Variants in MFSD11 observed in about 807,000 individuals in gnomAD.
MFSD11 encodes UNC93-like protein MFSD11.
In MFSD11, 36 loss-of-function variants were observed where a neutral mutation model predicts 53.5. The ratio of observed to expected loss-of-function variants is 0.67; its 90% CI spans 0.52 to 0.89. The LOEUF (loss-of-function observed/expected upper bound fraction) is 0.89. Among genes scored for constraint, MFSD11 ranks in the 40% least tolerant of loss-of-function variants. MFSD11 has a pLI of 0.00. For missense variants in MFSD11, 530 were observed against 543.9 expected (o/e 0.97, Z 0.25); for synonymous variants, 186 against 184.9 (o/e 1.01, Z -0.05).
intron 9 of MFSD11, among the ~76,000 whole-genome samples, chr17:76,767,770 A>G (rs2080992039): frequency 6.6e-6 from 1 of 152,208 alleles, no homozygotes; most frequent in Admixed American, 6.5e-5. Flanking sequence ...GCTCCAAAAA[A>G]GGCAACAGGA....
At chr17:76,767,529 C>T (rs574967733) in intron 9 of MFSD11, 78 bp downstream of exon 9, 1 of 907,970 alleles carries the variant, frequency 1.1e-6, no homozygotes, top group Non-Finnish European at 1.8e-6. Context: ...GTTATTATTT[C>T]TCACAATTCT....
rs1203477210 is a variant in MFSD11, at chr17:76,748,619, A to G, written c.641+4153A>G. ...GGGGGAAGCTTCAGCAAAGGGATTC[A>G]AGGTTGCAGTGAGCTGTGGTCACGC... On this transcript the variant is annotated intron_variant, in intron 7 of 12. Transcript: ENST00000685175. 2.0e-5 allele frequency among the ~76,000 whole-genome samples: 3 copies of G among 151,856 alleles called. No individual in the cohort carries two copies. In the East Asian group the frequency reaches 5.8e-4, roughly 29 times the overall value.
intron 10 of MFSD11, among the ~76,000 whole-genome samples, chr17:76,773,867 A>G (rs2081584570): frequency 6.6e-6 from 1 of 151,910 alleles, no homozygotes; most frequent in Non-Finnish European, 1.5e-5. Context: ...TGACCTCCCA[A>G]AGTGCTGGGA....
At chr17:76,768,742 T>C (rs1205536222) in intron 9 of MFSD11, among the ~76,000 whole-genome samples, 1 of 152,018 alleles carries the variant, frequency 6.6e-6, no homozygotes, top group Non-Finnish European at 1.5e-5. Flanking sequence ...CCCAGCACTT[T>C]GGGAGGCCGA....
intron 5 of MFSD11, among the ~76,000 whole-genome samples, chr17:76,743,169 A>G (rs1159378857): frequency 6.6e-6 from 1 of 152,154 alleles, no homozygotes; most frequent in Non-Finnish European, 1.5e-5. Context: ...GTGCCTCTGA[A>G]TCAGGTTACT....
chr17:76,789,410 T>A, the MFSD11 span, among the ~76,000 whole-genome samples: 2 of 150,146 alleles, frequency 1.3e-5, no homozygotes, highest in Non-Finnish European at 3.0e-5. Flanking sequence ...TATGCTCGTT[T>A]GAGGCATTTT....
chr17:76,798,540 C>T, the MFSD11 span, among the ~76,000 whole-genome samples: 4 of 152,124 alleles, frequency 2.6e-5, no homozygotes, highest in African/African-American at 9.7e-5. Flanking sequence ...CATGTGTTAT[C>T]AGAGAGGCTC....
Position 76,775,188 on chromosome 17 carries a change from T to C in MFSD11, c.1049+17T>C. 1 of 1,611,956 alleles carries C rather than the reference T, an allele frequency of 6.2e-7. No individual in the cohort carries two copies. The highest frequency in any genetic ancestry group is 1.3e-5 in the African/African-American group (1 of 74,976). On this transcript the variant is annotated intron_variant, in intron 11 of 12. Transcript: ENST00000685175. Reference sequence around the variant, plus strand: ...CAAATCCAGGTATAGTGGCTGTCATTTCTCTAGTCGCTTGAGTACGGGTGG... The same window carrying C: ...CAAATCCAGGTATAGTGGCTGTCATCTCTCTAGTCGCTTGAGTACGGGTGG...
downstream of MFSD11, chr17:76,781,492 AC>A (rs2082163064): frequency 6.6e-6 from 1 of 152,210 alleles, no homozygotes; most frequent in African/African-American, 2.4e-5. Context: ...AAGGCTGCCC[AC>A]CTTGTCACCT....
At chr17:76,737,215 G>A, upstream of MFSD11, 1 of 1,479,004 alleles carries the variant, frequency 6.8e-7, no homozygotes. Context: ...CCTCAGCTCT[G>A]GGCGGTGCGA....
chr17:76,786,089 A>AC (rs975738999), downstream of MFSD11, among the ~76,000 whole-genome samples: 1 of 151,336 alleles, frequency 6.6e-6, no homozygotes, highest in African/African-American at 2.4e-5. Flanking sequence ...AAAAAAAAAA[A>AC]AAACAGAGGT....
rs777995588 is a variant in MFSD11, at chr17:76,738,374, C to G, written c.22C>G (p.Leu8Val). 1 of 1,614,020 alleles carries G rather than the reference C, an allele frequency of 6.2e-7. No homozygotes were observed. Among genetic ancestry groups the G allele is most frequent in the African/African-American group, 1.3e-5 (1 of 75,038 alleles). MSPESKK[L>V]FNIIILGVAF... is the part of the protein sequence containing the mutation. ...CAAAATGTCCCCGGAATCTAAAAAG[C>G]TTTTCAACATCATTATTTTAGGAGT... Residue 8 changes from leucine (L) to valine (V), a missense_variant, in exon 1 of 13, where the codon CTT (leucine) becomes GTT (valine). By Grantham distance (32) the Leu-to-Val change is conservative (BLOSUM62 1). Transcript: ENST00000685175.
At chr17:76,760,543 C>G (rs150165240) in intron 8 of MFSD11, among the ~76,000 whole-genome samples, 1 of 149,732 alleles carries the variant, frequency 6.7e-6, no homozygotes, top group African/African-American at 2.5e-5. Context: ...TTTTTTTAAA[C>G]GGAGTGTCGG....
At chr17:76,759,124 G>C (rs191552861) in intron 8 of MFSD11, among the ~76,000 whole-genome samples, 1 of 151,970 alleles carries the variant, frequency 6.6e-6, no homozygotes, top group Non-Finnish European at 1.5e-5. Context: ...GGGAATGGTG[G>C]CACGTCCCAG....
intron 7 of MFSD11, among the ~76,000 whole-genome samples, chr17:76,746,600 G>C (rs545202263): frequency 1.6e-4 from 24 of 152,350 alleles, no homozygotes; most frequent in Non-Finnish European, 2.8e-4. Context: ...GTTGAAGCCA[G>C]TGCTCATTTA....
chr17:76,792,124 CTT>C, the MFSD11 span, among the ~76,000 whole-genome samples: 2 of 141,494 alleles, frequency 1.4e-5, no homozygotes, highest in Admixed American at 7.0e-5. Context: ...ACCAGGCACC[CTT>C]TTTTTTTTTT....
At position 76,750,889 on chromosome 17, in the gene MFSD11, C is replaced by T. The variant is rs115674800; in HGVS notation, c.642-3158C>T. On this transcript the variant is annotated intron_variant, in intron 7 of 12. Coordinates refer to ENST00000685175, the MANE Select transcript of MFSD11 (RefSeq NM_001242532.5). ...CACGGTCTAGGCTCACTGAAACCTC[C>T]GCCTTCCATGTTCAAGTGATTCTGC... is the stretch of plus-strand genomic sequence containing the variant. 6.5e-3 allele frequency among the ~76,000 whole-genome samples: 990 copies of T among 151,228 alleles called. 13 individuals carry two copies. Among genetic ancestry groups the T allele is most frequent in the African/African-American group, 0.023 (946 of 41,192 alleles).
upstream of MFSD11, chr17:76,737,100 G>C: frequency 6.2e-7 from 1 of 1,611,118 alleles, no homozygotes; most frequent in Non-Finnish European, 8.5e-7. Flanking sequence ...CGGTAGGTCA[G>C]GTTGTCCACC....
At chr17:76,755,471 T>C (rs977880884) in intron 8 of MFSD11, among the ~76,000 whole-genome samples, 2 of 152,012 alleles carry the variant, frequency 1.3e-5, no homozygotes, top group African/African-American at 4.8e-5. Context: ...GTTAATGACA[T>C]GTGGCCCTTA....
Sources: gnomAD v4.1 joint callset for allele counts (sites outside exome capture counted in the v4.1 genomes callset) on GRCh38, gnomAD v4.1.1 for gene constraint, MANE v1.5 for transcripts, NCBI Gene and HGNC (gene_info 2026-07-23, HGNC 2026-07-21) for gene names.